The following GUCY1A2 variants were observed in gnomAD, a reference collection of about 807,000 sequenced individuals.
GUCY1A2 encodes the protein guanylate cyclase 1 soluble subunit alpha 2, also known as guanylate cyclase soluble subunit alpha-2.
GUCY1A2 carries 27 observed loss-of-function variants against 63.5 expected under a neutral mutation model. That is an observed-to-expected ratio of 0.43 (90% confidence interval 0.31 to 0.59). The LOEUF (loss-of-function observed/expected upper bound fraction) is 0.59. Among genes scored for constraint, GUCY1A2 ranks in the 20% least tolerant of loss-of-function variants. The pLI is 0.11. For synonymous variants in GUCY1A2, 364 were observed against 343.5 expected, an observed-to-expected ratio of 1.06 and a Z score of -0.66; for missense variants, 768 against 913.3, an observed-to-expected ratio of 0.84 and a Z score of 2.05.
At chr11:106,735,697 G>A (rs1402376637) in intron 6 of GUCY1A2, among the ~76,000 whole-genome samples, 1 of 151,944 alleles carries the variant, frequency 6.6e-6, no homozygotes, top group Admixed American at 6.6e-5. Context: ...TAGATTTTTG[G>A]GGAACCTCCA....
intron 1 of GUCY1A2, among the ~76,000 whole-genome samples, chr11:107,016,101 G>C (rs2120224796): frequency 6.6e-6 from 1 of 152,264 alleles, no homozygotes; most frequent in East Asian, 1.9e-4. Flanking sequence ...AGACCTGTCT[G>C]GTACCCGTAC....
chr11:106,856,889 AT>A (rs1241495285), intron 4 of GUCY1A2, among the ~76,000 whole-genome samples: 3 of 152,182 alleles, frequency 2.0e-5, no homozygotes, highest in Admixed American at 2.0e-4. Flanking sequence ...TCATCTGGAC[AT>A]TCTTTTCACT....
At chr11:106,843,216 T>C in intron 4 of GUCY1A2, among the ~76,000 whole-genome samples, 1 of 151,776 alleles carries the variant, frequency 6.6e-6, no homozygotes, top group East Asian at 1.9e-4. Flanking sequence ...TAAGATACAA[T>C]ATCTGAATAT....
In GUCY1A2 at chr11:106,682,284, A is replaced by C. The variant is rs1165225630; in HGVS notation, c.*5265T>G. The stretch of plus-strand genomic sequence containing the variant: ...ACAAATGAAATAACATCACTATCCC[A>C]GTCAACTTGTATTTATTCCTAGTAA... On this transcript the variant is annotated 3_prime_UTR_variant, in exon 8 of 8. Transcript: ENST00000526355. 1 of 216,668 alleles carries C rather than the reference A, an allele frequency of 4.6e-6. No individual in the cohort carries two copies. The highest frequency in any genetic ancestry group is 2.3e-5 in the African/African-American group (1 of 44,296). 13.4% of individuals were successfully genotyped at this position (216,668 alleles called of 1,614,324 possible).
At chr11:107,002,082 G>T (rs1044357337) in intron 1 of GUCY1A2, among the ~76,000 whole-genome samples, 2 of 151,484 alleles carry the variant, frequency 1.3e-5, no homozygotes, top group East Asian at 1.9e-4. Context: ...ATAAAATTTT[G>T]CAGTACATAA....
chr11:106,871,997 T>C (rs1471505167), intron 4 of GUCY1A2, among the ~76,000 whole-genome samples: 1 of 152,226 alleles, frequency 6.6e-6, no homozygotes, highest in African/African-American at 2.4e-5. Context: ...TGTTGTCATG[T>C]ATCCTTTGAA....
chr11:106,947,613 A>G (rs1275261397), intron 3 of GUCY1A2, among the ~76,000 whole-genome samples: 1 of 152,042 alleles, frequency 6.6e-6, no homozygotes, highest in Non-Finnish European at 1.5e-5. Context: ...CTTGATCATA[A>G]AAACCCCATA....
chr11:106,961,969 A>G (rs760554277), intron 3 of GUCY1A2, among the ~76,000 whole-genome samples: 55 of 152,306 alleles, frequency 3.6e-4, no homozygotes, highest in Admixed American at 7.8e-4. Flanking sequence ...GCTGACTACT[A>G]ACATCCCTGT....
At chr11:107,004,331 A>C (rs1861645709) in intron 1 of GUCY1A2, among the ~76,000 whole-genome samples, 1 of 152,210 alleles carries the variant, frequency 6.6e-6, no homozygotes, top group Non-Finnish European at 1.5e-5. Flanking sequence ...CTCTGAATCG[A>C]AATTTTCCTA....
intron 6 of GUCY1A2, among the ~76,000 whole-genome samples, chr11:106,709,482 ATATT>A (rs1441995742): frequency 3.6e-5 from 2 of 56,276 alleles, no homozygotes; most frequent in Non-Finnish European, 5.6e-5. Context: ...ATATTATTAT[ATATT>A]TATATATATA....
chr11:106,978,570 CCTCT>C (rs750635981), intron 3 of GUCY1A2, 45 bp downstream of exon 3: 2 of 1,270,378 alleles, frequency 1.6e-6, no homozygotes, highest in Non-Finnish European at 2.2e-6. Flanking sequence ...CTCGACTTTC[CCTCT>C]CTTTCATTCT....
At chr11:106,838,359 C>T (rs1859144925) in intron 4 of GUCY1A2, among the ~76,000 whole-genome samples, 1 of 151,846 alleles carries the variant, frequency 6.6e-6, no homozygotes, top group East Asian at 1.9e-4. Context: ...TTTGTAGAGT[C>T]AATCAATGTA....
chr11:106,761,345 T>G (rs1157172196), intron 6 of GUCY1A2, among the ~76,000 whole-genome samples: 1 of 152,198 alleles, frequency 6.6e-6, no homozygotes, highest in Non-Finnish European at 1.5e-5. Context: ...TTGTAAATTA[T>G]CTCTGGTGCA....
intron 3 of GUCY1A2, among the ~76,000 whole-genome samples, chr11:106,968,280 G>A (rs1200114726): frequency 6.6e-6 from 1 of 152,094 alleles, no homozygotes. Context: ...GTCTCTCGAT[G>A]ATCCTACTGT....
chr11:106,878,782 TAAAAAAAAA>T (rs372754272), intron 4 of GUCY1A2, among the ~76,000 whole-genome samples: 3 of 138,002 alleles, frequency 2.2e-5, no homozygotes, highest in Non-Finnish European at 4.7e-5. Flanking sequence ...ACTTAAAAGT[TAAAAAAAAA>T]AAAAAAAAAG....
intron 5 of GUCY1A2, among the ~76,000 whole-genome samples, chr11:106,804,338 T>C (rs1170325702): frequency 6.6e-6 from 1 of 152,206 alleles, no homozygotes; most frequent in Admixed American, 6.6e-5. Flanking sequence ...TGTGCACTGA[T>C]CATTAAAAGA....
chr11:106,776,461 G>T lies in GUCY1A2; in HGVS notation c.1814C>A (p.Thr605Lys). 6.2e-7 allele frequency: 1 copy of T among 1,613,754 alleles called. No individual in the cohort carries two copies. The highest frequency in any genetic ancestry group is 8.5e-7 in the Non-Finnish European group (1 of 1,179,708). Residue 605 changes from threonine to lysine, a missense_variant, in exon 6 of 8, where the codon ACA becomes AAA. Transcript: ENST00000526355. ...KMMELSEEVL[T>K]PDGRPIQMRI... is the part of the protein sequence containing the mutation. The stretch of plus-strand genomic sequence containing the variant: ...TACCTGAATCGGTCTTCCATCAGGT[G>T]TCAGCACCTCTTCTGAAAGTTCCAT...
chr11:106,731,611 C>T (rs542886362), intron 6 of GUCY1A2, among the ~76,000 whole-genome samples: 2 of 152,158 alleles, frequency 1.3e-5, no homozygotes, highest in East Asian at 1.9e-4. Context: ...TGTTTTCAGA[C>T]AATATGATTC....
chr11:106,984,092 G>C (rs1861371232), intron 2 of GUCY1A2, among the ~76,000 whole-genome samples: 1 of 152,174 alleles, frequency 6.6e-6, no homozygotes, highest in Non-Finnish European at 1.5e-5. Flanking sequence ...AGGCAAGAAA[G>C]GGGAATACAG....
Sources: allele counts gnomAD v4.1 joint callset (sites outside exome capture counted in the v4.1 genomes callset), GRCh38; gene constraint gnomAD v4.1.1; transcripts MANE v1.5; gene names NCBI Gene and HGNC (gene_info 2026-07-23, HGNC 2026-07-21).